Variants in RFPL3 observed in about 807,000 individuals in gnomAD.
RFPL3 encodes ret finger protein like 3, also known as ret finger protein-like 3.
A neutral mutation model predicts 8.7 loss-of-function variants in RFPL3; 8 were observed. The ratio of observed to expected loss-of-function variants is 0.92; its 90% CI spans 0.54 to 1.66. RFPL3 has a LOEUF of 1.66. Among genes scored for constraint, RFPL3 ranks in the 40% most tolerant of loss-of-function variants. The pLI is 0.00. For synonymous variants in RFPL3, 145 were observed against 150.5 expected, an observed-to-expected ratio of 0.96 and a Z score of 0.27; for missense variants, 341 against 395.0, an observed-to-expected ratio of 0.86 and a Z score of 1.16.
chr22:32,360,136 G>A (rs1932763349), intron 1 of RFPL3, 116 bp from the exon 2 acceptor site: 1 of 1,359,314 alleles, frequency 7.4e-7, no homozygotes, highest in African/African-American at 1.5e-5. Flanking sequence ...TGATTTTGGA[G>A]GAAGAAACAG....
rs55744002 is a variant in RFPL3, at chr22:32,360,983, G to A, written c.*151G>A. The A allele has an allele frequency of 0.054, 41,114 of 757,000 alleles. 1,321 individuals are homozygous for A. Among genetic ancestry groups the A allele is most frequent in the South Asian group, 0.095 (2,195 of 23,064 alleles). The allele number at this position is 757,000 out of a possible 1,614,324, so 46.9% of individuals were successfully genotyped here. A position where few individuals can be genotyped will look rare whatever the true frequency, so the allele number is the denominator to read the frequency against. On this transcript the variant is annotated 3_prime_UTR_variant, in exon 2 of 2. Transcript: ENST00000249007. ...TCTAATTTGATTCGATTATTGAGTC[G>A]TAAGTATTAATTATTGCCACCATCC...
chr22:32,359,214 T>A (rs1461812158), intron 1 of RFPL3, among the ~76,000 whole-genome samples: 1 of 152,190 alleles, frequency 6.6e-6, no homozygotes, highest in Admixed American at 6.5e-5. Flanking sequence ...ACTGTCTCTC[T>A]GCTGAACTAT....
At position 32,358,483 on chromosome 22, in the gene RFPL3, G is replaced by A. The variant is rs371279129; in HGVS notation, c.373+39G>A. ...ATACCCTGCCCCCTTCCCAAGACCA[G>A]ACCAGGAAAAATCATCTGTGCAGTT... On this transcript the variant is annotated intron_variant, in intron 1 of 1. Coordinates refer to ENST00000249007, the MANE Select transcript of RFPL3 (RefSeq NM_001098535.1). 75 of 1,571,190 alleles carry A rather than the reference G, an allele frequency of 4.8e-5. No individual in the cohort carries two copies. In the African/African-American group the frequency reaches 9.5e-4, roughly 20 times the overall value.
chr22:32,358,523 C>A (rs9621428), intron 1 of RFPL3, 79 bp downstream of exon 1: 5 of 1,523,472 alleles, frequency 3.3e-6, no homozygotes, highest in Non-Finnish European at 3.5e-6. Context: ...CCTCATTCCA[C>A]ATGGGGATTA....
upstream of RFPL3, among the ~76,000 whole-genome samples, chr22:32,355,797 AAAAG>A (rs1556020578): frequency 1.7e-4 from 25 of 147,720 alleles, no homozygotes; most frequent in Non-Finnish European, 4.4e-5. Context: ...AAAAAAAAAA[AAAAG>A]AAAGAAAAGA....
At chr22:32,360,202 T>A (rs375349779) in intron 1 of RFPL3, 50 bp from the exon 2 acceptor site, 3 of 1,564,470 alleles carry the variant, frequency 1.9e-6, no homozygotes, top group Non-Finnish European at 2.6e-6. Context: ...AAGAGAGGCA[T>A]GGGGTTGGCT....
At chr22:32,358,929 T>C (rs1932751032) in intron 1 of RFPL3, among the ~76,000 whole-genome samples, 1 of 152,196 alleles carries the variant, frequency 6.6e-6, no homozygotes, top group South Asian at 2.1e-4. Context: ...GAGTTGGGAA[T>C]GGAGCACCTA....
At position 32,360,851 on chromosome 22, in the gene RFPL3, A is replaced by T. The variant is rs878932890; in HGVS notation, c.*19A>T. The T allele has an allele frequency of 6.6e-7, 1 of 1,508,860 alleles. No homozygotes were observed. The allele number at this position is 1,508,860 out of a possible 1,614,324, so 93.5% of individuals were successfully genotyped here. On this transcript the variant is annotated 3_prime_UTR_variant, in exon 2 of 2. Coordinates refer to ENST00000249007, the MANE Select transcript of RFPL3 (RefSeq NM_001098535.1). The stretch of plus-strand genomic sequence containing the variant: ...CAAATAAGCCGCCACTGCAAAAAAA[A>T]ACAGGGTCAGAAAATTACTTGGGTG...
rs567802131 is a variant in RFPL3 at position 32,359,023 on chromosome 22, T to A, written c.373+579T>A. Among the ~76,000 whole-genome samples, 5 of 152,288 alleles carry A rather than the reference T, an allele frequency of 3.3e-5. No individual in the cohort carries two copies. In the East Asian group the frequency reaches 9.6e-4, roughly 29 times the overall value. On this transcript the variant is annotated intron_variant, in intron 1 of 1. Coordinates refer to ENST00000249007, the MANE Select transcript of RFPL3 (RefSeq NM_001098535.1). ...CATGGGCTCCAACAGTGGTCCTGGC[T>A]ACAGAAAATACTATCACTCTCCATA... is the stretch of plus-strand genomic sequence containing the variant.
At position 32,358,469 on chromosome 22, in the gene RFPL3, C is replaced by G. The variant is rs1418410377; in HGVS notation, c.373+25C>G. 5 of 1,593,586 alleles carry G rather than the reference C, an allele frequency of 3.1e-6. No individual in the cohort carries two copies. In the Admixed American group the frequency reaches 5.2e-5, roughly 17 times the overall value. On this transcript the variant is annotated intron_variant, in intron 1 of 1. Transcript: ENST00000249007. ...GGTAAGGAATCTGTATACCCTGCCC[C>G]CTTCCCAAGACCAGACCAGGAAAAA... is the stretch of plus-strand genomic sequence containing the variant.
At chr22:32,360,180 C>T in intron 1 of RFPL3, 72 bp from the exon 2 acceptor site, 1 of 1,511,114 alleles carries the variant, frequency 6.6e-7, no homozygotes, top group Non-Finnish European at 8.9e-7. Context: ...GATATTTGGG[C>T]CTTTGAAGTA....
At chr22:32,359,252 T>C (rs925411936) in intron 1 of RFPL3, among the ~76,000 whole-genome samples, 1 of 152,120 alleles carries the variant, frequency 6.6e-6, no homozygotes, top group Non-Finnish European at 1.5e-5. Flanking sequence ...CCTGTCCAAG[T>C]CATGTTTGGA....
At chr22:32,357,203 G>C (rs540526953), upstream of RFPL3, among the ~76,000 whole-genome samples, 4 of 152,190 alleles carry the variant, frequency 2.6e-5, no homozygotes, top group Non-Finnish European at 5.9e-5. Context: ...ACCAGTGGTG[G>C]CAGTTAATTT....
At position 32,358,397 on chromosome 22, in the gene RFPL3, A is replaced by G. The variant is rs755355267; in HGVS notation, c.326A>G (p.Lys109Arg). Reference protein sequence around the residue: ...LVSHIKELEPKLKKILQMNPR... With the variant: ...LVSHIKELEPRLKKILQMNPR... ...TCCCACATCAAGGAACTGGAGCCCAAGCTGAAGAAGATTCTACAGATGAAC... is the reference window on the plus strand; with the variant it reads ...TCCCACATCAAGGAACTGGAGCCCAGGCTGAAGAAGATTCTACAGATGAAC... The change falls in exon 1 of 2, where the codon AAG becomes AGG. Residue 109 changes from lysine (K) to arginine (R), a missense_variant. By Grantham distance (26) the Lys-to-Arg change is conservative. Coordinates refer to ENST00000249007, the MANE Select transcript of RFPL3 (RefSeq NM_001098535.1). 6.2e-7 allele frequency: 1 copy of G among 1,614,098 alleles called. No homozygotes were observed. The highest frequency in any genetic ancestry group is 1.1e-5 in the South Asian group (1 of 91,082).
upstream of RFPL3, among the ~76,000 whole-genome samples, chr22:32,357,568 G>C (rs1932710541): frequency 6.6e-6 from 1 of 152,074 alleles, no homozygotes; most frequent in African/African-American, 2.4e-5. Context: ...CCAGGTTCAA[G>C]CGATTCTCCT....
At position 32,357,924 on chromosome 22, in the gene RFPL3, C is replaced by T; in HGVS notation, c.-148C>T. ...TCACCAGGAGAATGGACCCTTCCTC[C>T]ACCTCAGCTCAGAGCACAGTGATGA... On this transcript the variant is annotated 5_prime_UTR_variant, in exon 1 of 2. Coordinates refer to ENST00000249007, the MANE Select transcript of RFPL3 (RefSeq NM_001098535.1). The T allele has an allele frequency of 3.3e-6, 5 of 1,502,996 alleles. No homozygotes were observed. The highest frequency in any genetic ancestry group is 1.4e-5 in the African/African-American group (1 of 71,286). 93.1% of individuals were successfully genotyped at this position (1,502,996 alleles called of 1,614,324 possible).
Position 32,358,207 on chromosome 22 carries a change from T to C in RFPL3, c.136T>C (p.Tyr46His). 2 of 1,613,986 alleles carry C rather than the reference T, an allele frequency of 1.2e-6. No individual in the cohort carries two copies. Among genetic ancestry groups the C allele is most frequent in the Non-Finnish European group, 1.7e-6 (2 of 1,179,856 alleles). ...AAGCAGCTGTCCCGTCTGCTCAGAC[T>C]ATCTGGAAAAACCAATGTCCCTGGA... is the stretch of plus-strand genomic sequence containing the variant. Reference protein sequence around the residue: ...EASSCPVCSDYLEKPMSLECG... With the variant: ...EASSCPVCSDHLEKPMSLECG... Residue 46 changes from tyrosine to histidine, a missense_variant, in exon 1 of 2, where the codon TAT becomes CAT. Transcript: ENST00000249007.
rs1245191204 is a variant in RFPL3, at chr22:32,360,743, C to A, written c.865C>A (p.Pro289Thr). 1 of 1,613,730 alleles carries A rather than the reference C, an allele frequency of 6.2e-7. No homozygotes were observed. Among genetic ancestry groups the A allele is most frequent in the Admixed American group, 1.7e-5 (1 of 59,912 alleles). The part of the protein sequence containing the change: ...LRPFLAPSIP[P>T]NGDQGVLSIC... ...CCCATTTTTGGCTCCTTCAATTCCA[C>A]CTAATGGTGATCAAGGTGTCTTGAG... The change falls in exon 2 of 2, where the codon CCT (proline) becomes ACT (threonine). Residue 289 changes from proline to threonine, a missense_variant. Coordinates refer to ENST00000249007, the MANE Select transcript of RFPL3 (RefSeq NM_001098535.1).
upstream of RFPL3, chr22:32,354,970 G>A (rs1932613476): frequency 6.6e-6 from 1 of 152,320 alleles, no homozygotes; most frequent in Admixed American, 6.5e-5. Flanking sequence ...TAAGCTTCCA[G>A]ACTCCAGTGT....
Sources: gnomAD v4.1 joint callset for allele counts (sites outside exome capture counted in the v4.1 genomes callset) on GRCh38, gnomAD v4.1.1 for gene constraint, MANE v1.5 for transcripts, NCBI Gene and HGNC (gene_info 2026-07-23, HGNC 2026-07-21) for gene names.